SLC36A3: variants seen among roughly 807,000 people sequenced by gnomAD.
SLC36A3 encodes solute carrier family 36 member 3, also known as proton-coupled amino acid transporter 3.
In SLC36A3, 35 loss-of-function variants were observed where a neutral mutation model predicts 44.3. The observed-to-expected ratio is 0.79, with a 90% CI of 0.60 to 1.05. The LOEUF (loss-of-function observed/expected upper bound fraction) is 1.05, where lower values mean the gene tolerates loss of function less well. SLC36A3 is among the 50% of genes least tolerant of loss of function. SLC36A3 has a pLI of 0.00. For missense variants in SLC36A3, 540 were observed against 578.7 expected (o/e 0.93, Z 0.69); for synonymous variants, 211 against 227.6 (o/e 0.93, Z 0.66).
At chr5:151,299,264 C>CTCTCTCTCTCTCTCTCTCTA (rs1372309288) in intron 1 of SLC36A3, among the ~76,000 whole-genome samples, 2 of 59,646 alleles carry the variant, frequency 3.4e-5, no homozygotes, top group Non-Finnish European at 6.2e-5. Context: ...CTCTCTCTCT[C>CTCTCTCTCTCTCTCTCTCTA]TATATATATA....
chr5:151,293,979 A>ATTCT (rs1754859956), intron 3 of SLC36A3, among the ~76,000 whole-genome samples: 2 of 152,208 alleles, frequency 1.3e-5, no homozygotes, highest in African/African-American at 4.8e-5. Flanking sequence ...TTAAGGGTGG[A>ATTCT]GCAGGCCCTG....
intron 1 of SLC36A3, among the ~76,000 whole-genome samples, chr5:151,302,240 C>G (rs1755185827): frequency 6.6e-6 from 1 of 152,136 alleles, no homozygotes; most frequent in Admixed American, 6.5e-5. Flanking sequence ...TAGAAAGATA[C>G]CAATTTAATT....
chr5:151,298,617 C>T lies in SLC36A3; in HGVS notation c.195G>A (p.Leu65=). 6.2e-7 allele frequency: 1 copy of T among 1,614,170 alleles called. No homozygotes were observed. Among genetic ancestry groups the T allele is most frequent in the Non-Finnish European group, 8.5e-7 (1 of 1,180,020 alleles). Residue 65 remains leucine, a synonymous_variant, in exon 2 of 10, where the codon CTG becomes CTA. Coordinates refer to ENST00000335230, the MANE Select transcript of SLC36A3 (RefSeq NM_181774.4). ...CCAACAAGCCGGCATTCTTTATGGC[C>T]AGGGGAAGCCCCAGGAGCCCTGTGC... The part of the protein sequence containing the change: ...NIGTGLLGLP[L]AIKNAGLLVG...
At position 151,303,275 on chromosome 5, in the gene SLC36A3, C is replaced by G. The variant is rs184972022; in HGVS notation, c.80G>C (p.Ser27Thr). The G allele has an allele frequency of 6.2e-7, 1 of 1,614,186 alleles. No homozygotes were observed. The highest frequency in any genetic ancestry group is 8.5e-7 in the Non-Finnish European group (1 of 1,180,018). Residue 27 changes from serine (S) to threonine (T), a missense_variant, in exon 1 of 10, where the codon AGT becomes ACT. Transcript: ENST00000335230. ...NGPQSPSESS[S>T]SITSENVHPA... Reference sequence around the variant, plus strand: ...ATGGACATTCTCTGAAGTAATGCTACTGCTGCTCTCTGAGGGTGACTGAGG... The same window carrying G: ...ATGGACATTCTCTGAAGTAATGCTAGTGCTGCTCTCTGAGGGTGACTGAGG...
At chr5:151,284,770 CTT>C in intron 6 of SLC36A3, 59 bp from the exon 7 acceptor site, 1 of 1,384,420 alleles carries the variant, frequency 7.2e-7, no homozygotes, top group African/African-American at 1.4e-5. Context: ...CATCCCAAAT[CTT>C]TGCCTGGTAG....
At chr5:151,300,968 C>T (rs921026508) in intron 1 of SLC36A3, among the ~76,000 whole-genome samples, 1 of 152,230 alleles carries the variant, frequency 6.6e-6, no homozygotes, top group Non-Finnish European at 1.5e-5. Context: ...TCCTCCATCA[C>T]TTGTAATGAC....
chr5:151,284,607 T>C lies in SLC36A3; in HGVS notation c.807+6A>G, dbSNP rs1754460596. 3 of 1,606,760 alleles carry C rather than the reference T, an allele frequency of 1.9e-6. No individual in the cohort carries two copies. Among genetic ancestry groups the C allele is most frequent in the South Asian group, 2.2e-5 (2 of 90,212 alleles). The stretch of plus-strand genomic sequence containing the variant: ...GGACCATTCGCGTGAACCCCATCAA[T>C]CTTACCATACCGACGCCTTCAAATG... On this transcript the variant is annotated splice_donor_region_variant and intron_variant, in intron 7 of 9. Transcript: ENST00000335230.
rs150945002 is a variant in SLC36A3 at position 151,298,601 on chromosome 5, C to T, written c.211G>A (p.Gly71Ser). 130 of 1,614,134 alleles carry T rather than the reference C, an allele frequency of 8.1e-5. 1 individual carries two copies. The highest frequency in any genetic ancestry group is 3.4e-4 in the South Asian group (31 of 91,080). Residue 71 changes from glycine (G) to serine (S), a missense_variant, in exon 2 of 10, where the codon GGC becomes AGC. Coordinates refer to ENST00000335230, the MANE Select transcript of SLC36A3 (RefSeq NM_181774.4). ...LGLPLAIKNA[G>S]LLVGPVSLLA... ...CCACAGATGCCTCTTACCAACAAGC[C>T]GGCATTCTTTATGGCCAGGGGAAGC...
At chr5:151,282,105 T>C (rs151336452) in intron 8 of SLC36A3, among the ~76,000 whole-genome samples, 153 of 145,782 alleles carry the variant, frequency 1.0e-3, no homozygotes, top group African/African-American at 3.8e-3. Context: ...TCTTTTCTTT[T>C]TCTTTGTTTT....
intron 4 of SLC36A3, among the ~76,000 whole-genome samples, chr5:151,290,214 A>G (rs535968788): frequency 1.3e-5 from 2 of 152,278 alleles, no homozygotes; most frequent in East Asian, 3.9e-4. Context: ...CTTTACTTAG[A>G]TTATAATGTT....
At chr5:151,291,836 C>T (rs1754768210) in intron 4 of SLC36A3, among the ~76,000 whole-genome samples, 1 of 152,132 alleles carries the variant, frequency 6.6e-6, no homozygotes, top group South Asian at 2.1e-4. Context: ...TGACCATTGC[C>T]TCCATGGAAT....
intron 9 of SLC36A3, 142 bp downstream of exon 9, chr5:151,280,865 TCACGTGG>T: frequency 2.6e-6 from 2 of 782,998 alleles, no homozygotes; most frequent in Non-Finnish European, 4.1e-6. Flanking sequence ...CCCTTTTTTT[TCACGTGG>T]AAAAATTGAG....
chr5:151,276,492 C>T lies in SLC36A3; in HGVS notation c.*901G>A, dbSNP rs949499243. Among the ~76,000 whole-genome samples, 7 of 152,114 alleles carry T rather than the reference C, an allele frequency of 4.6e-5. No homozygotes were observed. The highest frequency in any genetic ancestry group is 8.8e-5 in the Non-Finnish European group (6 of 67,998). Reference sequence around the variant, plus strand: ...ATGGCTACATCACAATTTATTTATCCATTCTCTTGTTTATAGACATTTAGA... The same window carrying T: ...ATGGCTACATCACAATTTATTTATCTATTCTCTTGTTTATAGACATTTAGA... On this transcript the variant is annotated 3_prime_UTR_variant, in exon 10 of 10. Transcript: ENST00000335230.
Position 151,287,468 on chromosome 5 carries a change from A to T in SLC36A3, c.490-4T>A. The T allele has an allele frequency of 6.2e-7, 1 of 1,613,446 alleles. No homozygotes were observed. Among genetic ancestry groups the T allele is most frequent in the Non-Finnish European group, 8.5e-7 (1 of 1,179,494 alleles). On this transcript the variant is annotated splice_polypyrimidine_tract_variant and splice_region_variant and intron_variant, in intron 5 of 9. Coordinates refer to ENST00000335230, the MANE Select transcript of SLC36A3 (RefSeq NM_181774.4). The stretch of plus-strand genomic sequence containing the variant: ...TCACGTGGGCTTTTTCCACCATCTG[A>T]CATAAAGCACAATGACAGGCAGTGT...
chr5:151,282,111 G>GTTTTTTTTTTTTT (rs70976011), intron 8 of SLC36A3, among the ~76,000 whole-genome samples: 5 of 56,104 alleles, frequency 8.9e-5, no homozygotes, highest in Non-Finnish European at 1.3e-4. Context: ...CTTTTTCTTT[G>GTTTTTTTTTTTTT]TTTTTTTTTT....
chr5:151,294,881 G>A (rs774399194), intron 3 of SLC36A3, among the ~76,000 whole-genome samples: 3 of 151,892 alleles, frequency 2.0e-5, no homozygotes, highest in Admixed American at 6.6e-5. Context: ...TGCCTGCCTC[G>A]GCCTCCTGAA....
intron 1 of SLC36A3, among the ~76,000 whole-genome samples, chr5:151,302,455 G>A (rs71588008): frequency 0.082 from 12,446 of 151,742 alleles, 658 homozygotes; most frequent in East Asian, 0.21. Flanking sequence ...AGTATACTCC[G>A]CAAACTAACA....
At chr5:151,296,977 G>A (rs1561639291) in intron 2 of SLC36A3, 1 of 152,156 alleles carries the variant, frequency 6.6e-6, no homozygotes, top group Admixed American at 6.5e-5. Flanking sequence ...TGATCAGAAG[G>A]GTATAAACGG....
rs539093319 is a variant in SLC36A3 at position 151,302,647 on chromosome 5, G to C, written c.128+580C>G. ...TATGGGGCTTAATACCTAGGTGATG[G>C]GTTGATAGGTACAGCAAAACCACTA... is the stretch of plus-strand genomic sequence containing the variant. On this transcript the variant is annotated intron_variant, in intron 1 of 9. Transcript: ENST00000335230. Among the ~76,000 whole-genome samples, 24 of 152,124 alleles carry C rather than the reference G, an allele frequency of 1.6e-4. No homozygotes were observed. In the South Asian group the frequency reaches 5.0e-3, roughly 32 times the overall value.
Sources: allele counts gnomAD v4.1 joint callset (sites outside exome capture counted in the v4.1 genomes callset), GRCh38; gene constraint gnomAD v4.1.1; transcripts MANE v1.5; gene names NCBI Gene and HGNC (gene_info 2026-07-23, HGNC 2026-07-21).